The following CPNE4 variants were observed in gnomAD, a reference collection of about 807,000 sequenced individuals.
CPNE4 encodes copine-4.
CPNE4 carries 25 observed loss-of-function variants against 67.9 expected under a neutral mutation model. That is an observed-to-expected ratio of 0.37 (90% confidence interval 0.27 to 0.51). CPNE4 has a LOEUF of 0.51. CPNE4 is among the 20% of genes least tolerant of loss of function. The pLI is 0.93. For missense variants in CPNE4, 464 were observed against 690.8 expected, an observed-to-expected ratio of 0.67 and a Z score of 3.68; for synonymous variants, 242 against 244.9, an observed-to-expected ratio of 0.99 and a Z score of 0.11.
intron 2 of CPNE4, among the ~76,000 whole-genome samples, chr3:131,834,912 G>A (rs1004790249): frequency 1.3e-5 from 2 of 152,168 alleles, no homozygotes; most frequent in Non-Finnish European, 2.9e-5. Context: ...ACATGAGTAA[G>A]TAATTAAGAC....
At chr3:131,563,912 T>A (rs981728133) in intron 11 of CPNE4, among the ~76,000 whole-genome samples, 33 of 152,064 alleles carry the variant, frequency 2.2e-4, no homozygotes, top group Admixed American at 2.0e-3. Flanking sequence ...TTAAGAATGC[T>A]GCTAGTGCAT....
intron 2 of CPNE4, among the ~76,000 whole-genome samples, chr3:131,880,362 G>T (rs530258376): frequency 6.6e-6 from 1 of 152,074 alleles, no homozygotes; most frequent in South Asian, 2.1e-4. Context: ...TGATACGCCC[G>T]CCCGACCTCC....
intron 6 of CPNE4, among the ~76,000 whole-genome samples, chr3:131,683,689 T>C (rs2080813295): frequency 6.6e-6 from 1 of 152,106 alleles, no homozygotes; most frequent in Non-Finnish European, 1.5e-5. Context: ...TATACCCTCA[T>C]AGCCCACTGG....
chr3:131,779,149 C>T (rs1238917155), intron 2 of CPNE4, among the ~76,000 whole-genome samples: 2 of 151,838 alleles, frequency 1.3e-5, no homozygotes, highest in African/African-American at 2.4e-5. Flanking sequence ...AATCTCTACA[C>T]TGAGAATTAT....
intron 1 of CPNE4, among the ~76,000 whole-genome samples, chr3:131,910,459 G>A (rs1287951681): frequency 6.6e-6 from 1 of 152,154 alleles, no homozygotes; most frequent in Non-Finnish European, 1.5e-5. Flanking sequence ...GGATTCAGAT[G>A]CACTTGATTT....
At chr3:131,695,829 A>C (rs538274757) in intron 5 of CPNE4, among the ~76,000 whole-genome samples, 1 of 152,364 alleles carries the variant, frequency 6.6e-6, no homozygotes, top group East Asian at 1.9e-4. Flanking sequence ...TGATGTCCCC[A>C]GGTAGAATAA....
chr3:131,936,125 TAAAC>T (rs1156404279), intron 1 of CPNE4, among the ~76,000 whole-genome samples: 1 of 151,720 alleles, frequency 6.6e-6, no homozygotes, highest in African/African-American at 2.4e-5. Flanking sequence ...ATAAAAGTAA[TAAAC>T]AATTTTTTAA....
chr3:131,646,946 G>T (rs2079683295), intron 7 of CPNE4, among the ~76,000 whole-genome samples: 2 of 152,286 alleles, frequency 1.3e-5, no homozygotes, highest in East Asian at 3.9e-4. Flanking sequence ...ACTCACAGAT[G>T]GTACCATTCT....
intron 2 of CPNE4, among the ~76,000 whole-genome samples, chr3:131,855,921 T>C (rs1471595737): frequency 6.6e-6 from 1 of 152,012 alleles, no homozygotes; most frequent in Non-Finnish European, 1.5e-5. Context: ...TGTAAGTTTA[T>C]TTCTGCACTT....
At chr3:132,031,793 C>T (rs1019220552) in intron 1 of CPNE4, among the ~76,000 whole-genome samples, 7 of 152,014 alleles carry the variant, frequency 4.6e-5, no homozygotes, top group Non-Finnish European at 8.8e-5. Flanking sequence ...ATAAAGATTC[C>T]ACCATTAACC....
chr3:131,618,216 A>T (rs988783316), intron 7 of CPNE4, among the ~76,000 whole-genome samples: 1 of 152,318 alleles, frequency 6.6e-6, no homozygotes, highest in South Asian at 2.1e-4. Context: ...AGGCAGAGGC[A>T]GCTGTAAAAG....
intron 14 of CPNE4, among the ~76,000 whole-genome samples, chr3:131,547,671 A>G (rs980606630): frequency 6.6e-5 from 10 of 152,000 alleles, no homozygotes; most frequent in Non-Finnish European, 1.0e-4. Context: ...AAAGGCTAAT[A>G]TATCCACAGT....
intron 2 of CPNE4, among the ~76,000 whole-genome samples, chr3:131,758,403 A>C (rs1334372743): frequency 6.6e-6 from 1 of 152,092 alleles, no homozygotes; most frequent in Non-Finnish European, 1.5e-5. Flanking sequence ...GGACCCTGTA[A>C]CGTCTTGTTT....
At chr3:131,628,051 A>G (rs941156699) in intron 7 of CPNE4, among the ~76,000 whole-genome samples, 1 of 152,224 alleles carries the variant, frequency 6.6e-6, no homozygotes. Flanking sequence ...AATGCTGTCA[A>G]ACAGCATCAC....
rs1013325310 is a variant in CPNE4, at chr3:131,592,086, A to C, written c.682-4504T>G. The stretch of plus-strand genomic sequence containing the variant: ...CAGAAAAGAAAATTGATGACAGATA[A>C]GTGACTTCTGCCAGTTCACCCAGTA... On this transcript the variant is annotated intron_variant, in intron 7 of 15. Transcript: ENST00000429747. Among the ~76,000 whole-genome samples, 23 of 152,336 alleles carry C rather than the reference A, an allele frequency of 1.5e-4. No individual in the cohort carries two copies. In the South Asian group the frequency reaches 4.1e-3, roughly 27 times the overall value.
At chr3:131,552,632 C>G (rs17357337) in intron 12 of CPNE4, 141 bp from the exon 13 acceptor site, 35,483 of 617,996 alleles carry the variant, frequency 0.057, 1,326 homozygotes, top group Non-Finnish European at 0.078. Context: ...CCATTTCAAG[C>G]CTTTACACAA....
At chr3:131,731,205 A>G (rs1028880180) in intron 2 of CPNE4, among the ~76,000 whole-genome samples, 2 of 152,222 alleles carry the variant, frequency 1.3e-5, no homozygotes, top group South Asian at 4.1e-4. Flanking sequence ...CCCTGGGATG[A>G]ACATGCCGGA....
chr3:131,911,863 G>A (rs2088993154), intron 1 of CPNE4, among the ~76,000 whole-genome samples: 1 of 152,118 alleles, frequency 6.6e-6, no homozygotes, highest in Admixed American at 6.6e-5. Flanking sequence ...CTTGACTTTG[G>A]AGGTGGTACA....
chr3:131,885,344 T>A (rs1234636832), intron 2 of CPNE4, among the ~76,000 whole-genome samples: 1 of 151,650 alleles, frequency 6.6e-6, no homozygotes, highest in Non-Finnish European at 1.5e-5. Flanking sequence ...TCTTTTTTTT[T>A]TTTTCTGTTG....
Sources: gnomAD v4.1 joint callset for allele counts (sites outside exome capture counted in the v4.1 genomes callset) on GRCh38, gnomAD v4.1.1 for gene constraint, MANE v1.5 for transcripts, NCBI Gene and HGNC (gene_info 2026-07-23, HGNC 2026-07-21) for gene names.